Variants in VAMP1 observed in about 807,000 individuals in gnomAD.
VAMP1 encodes the protein vesicle-associated membrane protein 1.
Under a neutral mutation model 19.1 loss-of-function variants are expected in VAMP1, and 16 were observed. That is an observed-to-expected ratio of 0.84 (90% CI 0.57 to 1.27). The LOEUF (loss-of-function observed/expected upper bound fraction) is 1.27, where lower values mean the gene tolerates loss of function less well. Ranked by LOEUF, VAMP1 falls within the 50% of genes most tolerant of loss-of-function variation. The pLI, the probability that VAMP1 is intolerant of heterozygous loss-of-function variation, is 0.00. For synonymous variants in VAMP1, 37 were observed against 50.2 expected, an observed-to-expected ratio of 0.74 and a Z score of 1.11; for missense variants, 109 against 145.4, an observed-to-expected ratio of 0.75 and a Z score of 1.29.
chr12:6,469,542 TTAC>T (rs1476787386), intron 1 of VAMP1, among the ~76,000 whole-genome samples: 1 of 152,222 alleles, frequency 6.6e-6, no homozygotes, highest in Non-Finnish European at 1.5e-5. Flanking sequence ...CCAATTTCAC[TTAC>T]TACTTGTTGG....
intron 2 of VAMP1, 83 bp downstream of exon 2, chr12:6,466,142 A>C: frequency 6.2e-7 from 1 of 1,611,442 alleles, no homozygotes; most frequent in Non-Finnish European, 8.5e-7. Context: ...TCTCCTACGA[A>C]AAAAGGAGAA....
In VAMP1 at chr12:6,463,820, T is replaced by C; in HGVS notation, c.*650A>G. ...CTATTTTCACAATCCCTAAGTGTTCTCCAGGCCTCTGGAGAACAAAGTAAA... is the reference window on the plus strand; with the variant it reads ...CTATTTTCACAATCCCTAAGTGTTCCCCAGGCCTCTGGAGAACAAAGTAAA... On this transcript the variant is annotated 3_prime_UTR_variant, in exon 5 of 5. Coordinates refer to ENST00000396308, the MANE Select transcript of VAMP1 (RefSeq NM_014231.5). The surrounding 1 kb of genome is among the most constrained non-coding windows in gnomAD (Gnocchi z 4.0). 3.3e-6 allele frequency: 4 copies of C among 1,215,354 alleles called. No individual in the cohort carries two copies. Among genetic ancestry groups the C allele is most frequent in the Non-Finnish European group, 4.2e-6 (4 of 955,048 alleles). 75.3% of individuals were successfully genotyped at this position (1,215,354 alleles called of 1,614,324 possible). A position where few individuals can be genotyped will look rare whatever the true frequency, so the allele number is the denominator to read the frequency against.
At chr12:6,469,358 G>A (rs1945710648) in intron 1 of VAMP1, among the ~76,000 whole-genome samples, 1 of 152,156 alleles carries the variant, frequency 6.6e-6, no homozygotes, top group South Asian at 2.1e-4. Context: ...TAGCCACCAC[G>A]ATTTTTCTGT....
chr12:6,464,385 T>G lies in VAMP1; in HGVS notation c.*85A>C. 1 of 1,552,748 alleles carries G rather than the reference T, an allele frequency of 6.4e-7. No individual in the cohort carries two copies. Among genetic ancestry groups the G allele is most frequent in the Non-Finnish European group, 8.7e-7 (1 of 1,147,734 alleles). ...CTGGGCTGGAATGGAGGACGGTGGG[T>G]GGGGAAGTGTGTTGAGAGAGCAAAC... On this transcript the variant is annotated 3_prime_UTR_variant, in exon 5 of 5. Transcript: ENST00000396308.
chr12:6,468,163 T>C (rs2532490), intron 1 of VAMP1, among the ~76,000 whole-genome samples: 42,368 of 152,112 alleles, frequency 0.28, 6,165 homozygotes, highest in Middle Eastern at 0.36. Flanking sequence ...GATCCACTGG[T>C]AGCTTGCACC....
At chr12:6,466,422 C>T in intron 1 of VAMP1, 71 bp from the exon 2 acceptor site, 1 of 1,521,172 alleles carries the variant, frequency 6.6e-7, no homozygotes, top group Non-Finnish European at 8.8e-7. Context: ...GTAGCACACA[C>T]CTGTAGTCCC....
In VAMP1 at chr12:6,470,518, G is replaced by A. The variant is rs200404061; in HGVS notation, c.2+12C>T. On this transcript the variant is annotated intron_variant, in intron 1 of 4. Transcript: ENST00000396308. ...AAGGAGGTGCCGAGCCCCCACACCA[G>A]AGTCAACTCACATTTTTCTGACAGA... 39 of 1,614,046 alleles carry A rather than the reference G, an allele frequency of 2.4e-5. No individual in the cohort carries two copies. In the Middle Eastern group the frequency reaches 4.9e-4, roughly 20 times the overall value.
Position 6,463,603 on chromosome 12 carries a change from C to G in VAMP1, c.*867G>C, listed in dbSNP as rs1310624518. ...CACTTGACTCACTGTTTCTCTATAA[C>G]TAACAGGCAATCTCTCTCTTTATGC... On this transcript the variant is annotated 3_prime_UTR_variant, in exon 5 of 5. Transcript: ENST00000396308. This position sits in a 1 kb window ranked among gnomAD's most constrained non-coding sequence, Gnocchi z 4.0. The G allele has an allele frequency of 1.9e-6, 2 of 1,079,370 alleles. No homozygotes were observed. The highest frequency in any genetic ancestry group is 1.7e-5 in the African/African-American group (1 of 58,510). The allele number at this position is 1,079,370 out of a possible 1,614,324, so 66.9% of individuals were successfully genotyped here. A position where few individuals can be genotyped will look rare whatever the true frequency, so the allele number is the denominator to read the frequency against.
intron 3 of VAMP1, chr12:6,465,388 A>ATATATATATATAAATGTATATATATG (rs1320874621): frequency 2.5e-4 from 19 of 75,518 alleles, no homozygotes; most frequent in African/African-American, 9.1e-4. Context: ...ATATATATGT[A>ATATATATATATAAATGTATATATATG]TATATATATA....
chr12:6,462,657 G>A lies in VAMP1; in HGVS notation c.*1813C>T, dbSNP rs1949906601. On this transcript the variant is annotated 3_prime_UTR_variant, in exon 5 of 5. Coordinates refer to ENST00000396308, the MANE Select transcript of VAMP1 (RefSeq NM_014231.5). ...ACAGAAACCCAGGAATGATTCCTGT[G>A]ATAGGGCTGGGAGAGCCAAGAGGAC... The A allele has an allele frequency of 1.4e-6, 1 of 715,818 alleles. No individual in the cohort carries two copies. The highest frequency in any genetic ancestry group is 3.0e-5 in the Admixed American group (1 of 33,286). 44.3% of individuals were successfully genotyped at this position (715,818 alleles called of 1,614,324 possible).
At chr12:6,464,704 G>A (rs989534295) in intron 4 of VAMP1, 186 bp downstream of exon 4, 2 of 1,505,906 alleles carry the variant, frequency 1.3e-6, no homozygotes, top group Admixed American at 4.7e-5. Context: ...CAGGGGGAAG[G>A]CTTGTCCATC....
At chr12:6,467,847 G>A (rs758886026) in intron 1 of VAMP1, among the ~76,000 whole-genome samples, 1 of 152,242 alleles carries the variant, frequency 6.6e-6, no homozygotes, top group Non-Finnish European at 1.5e-5. Flanking sequence ...TGCAGGGCTC[G>A]GGCCGTGGCT....
chr12:6,464,547 G>T, intron 4 of VAMP1, 61 bp from the exon 5 acceptor site: 1 of 1,467,406 alleles, frequency 6.8e-7, no homozygotes, highest in Non-Finnish European at 9.0e-7. Context: ...GAAAACAAGA[G>T]GGTGAATTAC....
intron 2 of VAMP1, 45 bp from the exon 3 acceptor site, chr12:6,466,045 A>C: frequency 6.2e-7 from 1 of 1,613,298 alleles, no homozygotes; most frequent in Non-Finnish European, 8.5e-7. Context: ...CCTGCCAGAG[A>C]CAGAGGAAAG....
Position 6,464,272 on chromosome 12 carries a change from T to TA in VAMP1, c.*197dup, listed in dbSNP as rs1327617830. On this transcript the variant is annotated 3_prime_UTR_variant, in exon 5 of 5. Coordinates refer to ENST00000396308, the MANE Select transcript of VAMP1 (RefSeq NM_014231.5). ...AGCTGTTGCTCTTCGGGTAATGACT[T>TA]AGATTGTGCCACGAGCAGCATTTCT... 5.9e-6 allele frequency: 9 copies of TA among 1,535,236 alleles called. No individual in the cohort carries two copies. Among genetic ancestry groups the TA allele is most frequent in the Non-Finnish European group, 7.0e-6 (8 of 1,139,724 alleles).
At chr12:6,466,447 C>T (rs1190884379) in intron 1 of VAMP1, 96 bp from the exon 2 acceptor site, 2 of 1,413,018 alleles carry the variant, frequency 1.4e-6, no homozygotes. Flanking sequence ...ACTCAAGAGG[C>T]TGAAGTGGGA....
chr12:6,466,093 A>G, intron 2 of VAMP1, 93 bp from the exon 3 acceptor site: 1 of 1,610,928 alleles, frequency 6.2e-7, no homozygotes, highest in South Asian at 1.1e-5. Context: ...GCCCTGTGCA[A>G]CTCTAAAGGG....
intron 3 of VAMP1, chr12:6,465,388 A>ATATATACATATGTGTATATATAGAGTG (rs1565526089): frequency 1.3e-5 from 1 of 75,522 alleles, no homozygotes; most frequent in African/African-American, 6.1e-5. Flanking sequence ...ATATATATGT[A>ATATATACATATGTGTATATATAGAGTG]TATATATATA....
At chr12:6,465,360 A>ATATATATATATATAAATGTATATATATG (rs1565525912) in intron 3 of VAMP1, 1 of 187,592 alleles carries the variant, frequency 5.3e-6, no homozygotes, top group Non-Finnish European at 1.0e-5. Flanking sequence ...AGAAAAAAGT[A>ATATATATATATATAAATGTATATATATG]TATATATATA....
Sources: gnomAD v4.1 joint callset for allele counts (sites outside exome capture counted in the v4.1 genomes callset) on GRCh38, gnomAD v4.1.1 for gene constraint, Gnocchi (gnomAD v3.1) non-coding constraint, MANE v1.5 for transcripts, NCBI Gene and HGNC (gene_info 2026-07-23, HGNC 2026-07-21) for gene names.